RALGPS2: variants seen among roughly 807,000 people sequenced by gnomAD.
RALGPS2 encodes the protein Ral GEF with PH domain and SH3 binding motif 2.
RALGPS2 carries 43 observed loss-of-function variants against 86.8 expected under a neutral mutation model. The ratio of observed to expected loss-of-function variants is 0.50; its 90% CI spans 0.39 to 0.64. The LOEUF (loss-of-function observed/expected upper bound fraction) is 0.64, where lower values mean the gene tolerates loss of function less well. Among genes scored for constraint, RALGPS2 ranks in the 30% least tolerant of loss-of-function variants. RALGPS2 has a pLI of 0.00. For synonymous variants in RALGPS2, 243 were observed against 231.3 expected, an observed-to-expected ratio of 1.05 and a Z score of -0.46; for missense variants, 536 against 694.6, an observed-to-expected ratio of 0.77 and a Z score of 2.57.
chr1:178,850,940 A>ATT, intron 8 of RALGPS2: 1 of 459,856 alleles, frequency 2.2e-6, no homozygotes, highest in Non-Finnish European at 3.7e-6. Context: ...GATACACATA[A>ATT]TTTTCTGCAG....
chr1:178,833,896 T>A (rs1656144610), intron 8 of RALGPS2, among the ~76,000 whole-genome samples: 1 of 152,188 alleles, frequency 6.6e-6, no homozygotes, highest in African/African-American at 2.4e-5. Flanking sequence ...TCAAAGTCCT[T>A]ATATAGTGAG....
At chr1:178,915,453 T>C (rs1660776249) in intron 19 of RALGPS2, among the ~76,000 whole-genome samples, 1 of 152,238 alleles carries the variant, frequency 6.6e-6, no homozygotes, top group Non-Finnish European at 1.5e-5. Context: ...CAGGCTGGTC[T>C]TAAACTCCTG....
rs943234484 is a variant in RALGPS2 at position 178,885,108 on chromosome 1, C to T, written c.937C>T (p.Arg313Ter). The change falls in exon 12 of 20, where the codon CGA becomes TGA. Residue 313 changes from arginine (R) to a stop codon, truncating the protein, a stop_gained. Transcript: ENST00000367635. LOFTEE classifies it high-confidence loss of function. The part of the protein sequence containing the change: ...PEVGASPQSG[R>*]KSVAAEGALL... Reference sequence around the variant, plus strand: ...AGTAGGAGCGTCTCCACAGAGTGGACGAAAAAGTGTGGCAGCTGAAGGAGC... The same window carrying T: ...AGTAGGAGCGTCTCCACAGAGTGGATGAAAAAGTGTGGCAGCTGAAGGAGC... The T allele has an allele frequency of 1.9e-6, 3 of 1,610,474 alleles. No individual in the cohort carries two copies. Among genetic ancestry groups the T allele is most frequent in the Non-Finnish European group, 1.7e-6 (2 of 1,179,004 alleles).
chr1:178,810,098 C>T (rs1375795959), intron 5 of RALGPS2, among the ~76,000 whole-genome samples: 6 of 150,876 alleles, frequency 4.0e-5, no homozygotes, highest in Non-Finnish European at 8.9e-5. Context: ...AAAAAAGTCA[C>T]GTTGGCCAGG....
At chr1:178,772,249 T>C (rs971022030) in intron 1 of RALGPS2, among the ~76,000 whole-genome samples, 1 of 152,260 alleles carries the variant, frequency 6.6e-6, no homozygotes, top group Non-Finnish European at 1.5e-5. Context: ...GTTTGTCTTA[T>C]TGCAAATATA....
chr1:178,862,596 T>A (rs938476321), intron 8 of RALGPS2, among the ~76,000 whole-genome samples: 6 of 55,356 alleles, frequency 1.1e-4, no homozygotes, highest in South Asian at 7.4e-4. Flanking sequence ...GCATTTTTTT[T>A]ATTTATTTAT....
chr1:178,845,028 A>G (rs138006704), intron 8 of RALGPS2, among the ~76,000 whole-genome samples: 2 of 152,106 alleles, frequency 1.3e-5, no homozygotes, highest in East Asian at 3.9e-4. Context: ...AAAAAATACA[A>G]AAAATTAGCT....
intron 8 of RALGPS2, chr1:178,864,978 G>A (rs1658287734): frequency 3.4e-6 from 5 of 1,460,964 alleles, no homozygotes; most frequent in Non-Finnish European, 4.5e-6. Context: ...GTTACCGGTG[G>A]TATCTTGAAA....
At chr1:178,900,705 C>A (rs1660135664) in intron 17 of RALGPS2, among the ~76,000 whole-genome samples, 1 of 151,820 alleles carries the variant, frequency 6.6e-6, no homozygotes, top group African/African-American at 2.4e-5. Context: ...GTAAATATAT[C>A]CCCCATTAAT....
intron 8 of RALGPS2, chr1:178,853,903 A>G: frequency 3.3e-6 from 2 of 607,424 alleles, no homozygotes; most frequent in Non-Finnish European, 5.1e-6. Flanking sequence ...ATTGTTTATC[A>G]TATATACAAT....
At chr1:178,858,771 TAAAAA>T (rs1245344849) in intron 8 of RALGPS2, among the ~76,000 whole-genome samples, 2 of 152,068 alleles carry the variant, frequency 1.3e-5, no homozygotes, top group Non-Finnish European at 2.9e-5. Context: ...AACAGTGAGT[TAAAAA>T]AGAAAAAAGG....
intron 16 of RALGPS2, 105 bp from the exon 17 acceptor site, chr1:178,897,559 A>T: frequency 1.1e-6 from 1 of 873,484 alleles, no homozygotes; most frequent in Non-Finnish European, 1.9e-6. Flanking sequence ...TGAGGTTAGG[A>T]CTTTGGTTGA....
intron 1 of RALGPS2, chr1:178,747,085 G>T: frequency 1.1e-6 from 1 of 881,138 alleles, no homozygotes; most frequent in Non-Finnish European, 1.9e-6. Flanking sequence ...GACCCATTTG[G>T]AATTTTCTTA....
intron 8 of RALGPS2, among the ~76,000 whole-genome samples, chr1:178,848,005 T>C (rs1194592904): frequency 6.6e-6 from 1 of 152,144 alleles, no homozygotes; most frequent in Non-Finnish European, 1.5e-5. Flanking sequence ...TGTTGTAGGA[T>C]AAAATTCATT....
chr1:178,781,170 A>G (rs990293141), intron 2 of RALGPS2, among the ~76,000 whole-genome samples: 1 of 152,164 alleles, frequency 6.6e-6, no homozygotes, highest in Non-Finnish European at 1.5e-5. Context: ...AATTAATTAC[A>G]TCAGGCTTCA....
In RALGPS2 at chr1:178,878,891, CT is replaced by C. The variant is rs1659109657; in HGVS notation, c.746-7del. 1.2e-5 allele frequency: 20 copies of C among 1,609,846 alleles called. No homozygotes were observed. The highest frequency in any genetic ancestry group is 1.5e-5 in the Non-Finnish European group (18 of 1,178,314). On this transcript the variant is annotated splice_polypyrimidine_tract_variant and intron_variant, in intron 9 of 19. Transcript: ENST00000367635. ...ACTTTATCAGATAATTATTTATCAC[CT>C]TTTGCCTAGATATTCCCATGTTGCC...
rs114815547 is a variant in RALGPS2, at chr1:178,892,143, G to T, written c.1248-87G>T. 0.031 allele frequency: 35,547 copies of T among 1,139,760 alleles called. 708 individuals carry two copies. The highest frequency in any genetic ancestry group is 0.068 in the African/African-American group (4,362 of 63,898). 70.6% of individuals were successfully genotyped at this position (1,139,760 alleles called of 1,614,324 possible). ...GATTTAGAAAGCTATATTACAAGAA[G>T]AAACTATTATACTGTTCTAGGTATT... is the stretch of plus-strand genomic sequence containing the variant. On this transcript the variant is annotated intron_variant, in intron 14 of 19. Coordinates refer to ENST00000367635, the MANE Select transcript of RALGPS2 (RefSeq NM_152663.5).
chr1:178,771,167 T>C (rs1298648953), intron 1 of RALGPS2, among the ~76,000 whole-genome samples: 1 of 152,136 alleles, frequency 6.6e-6, no homozygotes, highest in Non-Finnish European at 1.5e-5. Flanking sequence ...CTACAGGAAA[T>C]TGTCACATTT....
At chr1:178,876,876 C>T (rs1659028835) in intron 8 of RALGPS2, among the ~76,000 whole-genome samples, 1 of 152,146 alleles carries the variant, frequency 6.6e-6, no homozygotes. Flanking sequence ...TTTGTAGTCA[C>T]ATGAACCATT....
Sources: allele counts gnomAD v4.1 joint callset (sites outside exome capture counted in the v4.1 genomes callset), GRCh38; gene constraint gnomAD v4.1.1; transcripts MANE v1.5; gene names NCBI Gene and HGNC (gene_info 2026-07-23, HGNC 2026-07-21).